The following CCDC141 variants were observed in gnomAD, a reference collection of about 807,000 sequenced individuals.
CCDC141 encodes coiled-coil domain containing 141, also known as coiled-coil domain-containing protein 141.
CCDC141 carries 168 observed loss-of-function variants against 181.0 expected under a neutral mutation model. That is an observed-to-expected ratio of 0.93 (90% confidence interval 0.82 to 1.05). The LOEUF (loss-of-function observed/expected upper bound fraction) is 1.05. Ranked by LOEUF, CCDC141 falls within the 50% of genes least tolerant of loss-of-function variation. The pLI, the probability that CCDC141 is intolerant of heterozygous loss-of-function variation, is 0.00. For missense variants in CCDC141, 1,902 were observed against 1,788.5 expected (o/e 1.06, Z -1.14); for synonymous variants, 666 against 642.3 (o/e 1.04, Z -0.56).
chr2:178,871,400 C>T (rs1213252872), intron 14 of CCDC141, 27 bp downstream of exon 14: 1 of 1,600,856 alleles, frequency 6.2e-7, no homozygotes, highest in Non-Finnish European at 8.5e-7. Context: ...TTTCCATTCA[C>T]CCAAATCCAG....
intron 5 of CCDC141, among the ~76,000 whole-genome samples, chr2:178,957,124 CGG>C (rs1690194824): frequency 6.6e-6 from 1 of 152,182 alleles, no homozygotes; most frequent in Non-Finnish European, 1.5e-5. Flanking sequence ...CCACCTGCCT[CGG>C]CCTCCCAAAG....
At chr2:179,039,869 A>C (rs1188571822) in intron 2 of CCDC141, among the ~76,000 whole-genome samples, 1 of 152,230 alleles carries the variant, frequency 6.6e-6, no homozygotes, top group Non-Finnish European at 1.5e-5. Context: ...CATTTGTGAA[A>C]TGGAATTTAT....
At chr2:179,005,719 C>A (rs866235099) in intron 2 of CCDC141, among the ~76,000 whole-genome samples, 5 of 152,180 alleles carry the variant, frequency 3.3e-5, no homozygotes, top group Admixed American at 6.5e-5. Context: ...ACTGCAACCT[C>A]TACTTCCCCC....
Position 178,869,291 on chromosome 2 carries a change from C to A in CCDC141, c.2220G>T (p.Glu740Asp). ...MKPQFQQLND[E>D]VQYIMKESEE... Reference sequence around the variant, plus strand: ...CTGATTCTTTCATAATGTACTGAACCTCATCATTCAATTGCTAAAACATTG... The same window carrying A: ...CTGATTCTTTCATAATGTACTGAACATCATCATTCAATTGCTAAAACATTG... Residue 740 changes from glutamate (E) to aspartate (D), a missense_variant, in exon 15 of 24, where the codon GAG (glutamate) becomes GAT (aspartate). Physicochemically the swap from Glu to Asp is conservative, Grantham distance 45. Transcript: ENST00000443758. The A allele has an allele frequency of 1.3e-6, 2 of 1,583,974 alleles. No homozygotes were observed. The highest frequency in any genetic ancestry group is 1.9e-5 in the Admixed American group (1 of 51,334).
chr2:178,986,929 G>C (rs1255233327), intron 2 of CCDC141, among the ~76,000 whole-genome samples: 1 of 151,968 alleles, frequency 6.6e-6, no homozygotes, highest in Admixed American at 6.6e-5. Context: ...TCCCCATCAA[G>C]CTACAAATGA....
chr2:178,898,434 G>A (rs1394801307), intron 8 of CCDC141, among the ~76,000 whole-genome samples: 1 of 152,110 alleles, frequency 6.6e-6, no homozygotes, highest in Non-Finnish European at 1.5e-5. Context: ...TTCTTCTACA[G>A]CAACAGAAAA....
At chr2:179,046,151 C>T (rs1291053695) in intron 2 of CCDC141, among the ~76,000 whole-genome samples, 5 of 152,212 alleles carry the variant, frequency 3.3e-5, no homozygotes, top group Non-Finnish European at 1.5e-5. Flanking sequence ...GCATCCTAGT[C>T]TTTGCAGTTC....
chr2:178,923,533 A>C (rs1688797367), intron 6 of CCDC141, among the ~76,000 whole-genome samples: 1 of 152,200 alleles, frequency 6.6e-6, no homozygotes, highest in Non-Finnish European at 1.5e-5. Flanking sequence ...TGTTTTCTCT[A>C]AGCCGTTGCT....
rs1352382911 is a variant in CCDC141 at position 178,961,178 on chromosome 2, T to A, written c.780+52A>T. On this transcript the variant is annotated intron_variant, in intron 5 of 23. Coordinates refer to ENST00000443758, the MANE Select transcript of CCDC141 (RefSeq NM_173648.4). ...TGCCCCAGGGAATGGTTAATCCATA[T>A]AACAACTAATCAGCTGAGGCTGGAA... 2.0e-6 allele frequency: 3 copies of A among 1,533,350 alleles called. No homozygotes were observed. The African/African-American group carries it at 4.1e-5, about 21-fold the overall frequency. 95.0% of individuals were successfully genotyped at this position (1,533,350 alleles called of 1,614,324 possible).
At chr2:178,828,505 T>C (rs763384672), downstream of CCDC141, among the ~76,000 whole-genome samples, 4 of 152,184 alleles carry the variant, frequency 2.6e-5, no homozygotes, top group South Asian at 8.3e-4. Flanking sequence ...GTAAGAGTAA[T>C]AGAAATGAAT....
chr2:178,886,872 C>A lies in CCDC141; in HGVS notation c.1408-1G>T, dbSNP rs991013215. ...TGATTTTCTGAATTGACATTTCCAC[C>A]TTTAGGAGTGAATAATATATGGCAG... is the stretch of plus-strand genomic sequence containing the variant. On this transcript the variant is annotated splice_acceptor_variant, in intron 9 of 23. Transcript: ENST00000443758. LOFTEE classifies it high-confidence loss of function. 1 of 1,401,970 alleles carries A rather than the reference C, an allele frequency of 7.1e-7. No individual in the cohort carries two copies. The highest frequency in any genetic ancestry group is 9.3e-7 in the Non-Finnish European group (1 of 1,077,550). 86.8% of individuals were successfully genotyped at this position (1,401,970 alleles called of 1,614,324 possible). A position where few individuals can be genotyped will look rare whatever the true frequency, so the allele number is the denominator to read the frequency against.
chr2:178,817,836 T>C, the CCDC141 span, among the ~76,000 whole-genome samples: 3 of 134,806 alleles, frequency 2.2e-5, no homozygotes, highest in Non-Finnish European at 4.7e-5. Context: ...GGAGTCTCAT[T>C]CTGTTGCCTA....
intron 2 of CCDC141, among the ~76,000 whole-genome samples, chr2:179,038,998 G>A (rs2043220730): frequency 6.6e-6 from 1 of 152,170 alleles, no homozygotes; most frequent in African/African-American, 2.4e-5. Context: ...CACCTCACCT[G>A]AGGATGTAAT....
chr2:178,948,693 G>A (rs145885435), intron 5 of CCDC141, among the ~76,000 whole-genome samples: 1 of 152,252 alleles, frequency 6.6e-6, no homozygotes, highest in African/African-American at 2.4e-5. Context: ...GGGGCTGTGG[G>A]TGAGTTCTCC....
intron 12 of CCDC141, chr2:178,877,624 C>T (rs946228004): frequency 2.2e-5 from 7 of 317,010 alleles, no homozygotes; most frequent in African/African-American, 1.3e-4. Context: ...TCTTTAGCCC[C>T]TAGAAATTTT....
At chr2:178,835,371 TC>T (rs1684436261) in intron 23 of CCDC141, among the ~76,000 whole-genome samples, 4 of 152,194 alleles carry the variant, frequency 2.6e-5, no homozygotes, top group Admixed American at 2.6e-4. Flanking sequence ...ATAACATATT[TC>T]TAGAAGGTTC....
chr2:179,012,915 T>C (rs765981166), intron 2 of CCDC141, among the ~76,000 whole-genome samples: 3 of 152,066 alleles, frequency 2.0e-5, no homozygotes, highest in Non-Finnish European at 2.9e-5. Context: ...AAATCCAGCA[T>C]CCCTTTATGA....
chr2:178,932,169 A>G (rs140438178), intron 6 of CCDC141, among the ~76,000 whole-genome samples: 2 of 152,306 alleles, frequency 1.3e-5, no homozygotes, highest in African/African-American at 2.4e-5. Context: ...AAAAACAAAA[A>G]CAAAAACAAA....
Position 178,833,921 on chromosome 2 carries a change from T to C in CCDC141, c.*252A>G, listed in dbSNP as rs912668591. 2 of 433,808 alleles carry C rather than the reference T, an allele frequency of 4.6e-6. No individual in the cohort carries two copies. Among genetic ancestry groups the C allele is most frequent in the South Asian group, 8.2e-5 (2 of 24,438 alleles). 26.9% of individuals were successfully genotyped at this position (433,808 alleles called of 1,614,324 possible). Reference sequence around the variant, plus strand: ...AGAATAATTTTGCTGCATATTATGTTGAAAACATCTGTTTCTAGAGTACAA... The same window carrying C: ...AGAATAATTTTGCTGCATATTATGTCGAAAACATCTGTTTCTAGAGTACAA... On this transcript the variant is annotated 3_prime_UTR_variant, in exon 24 of 24. Transcript: ENST00000443758.
Sources: gnomAD v4.1 joint callset for allele counts (sites outside exome capture counted in the v4.1 genomes callset) on GRCh38, gnomAD v4.1.1 for gene constraint, MANE v1.5 for transcripts, NCBI Gene and HGNC (gene_info 2026-07-23, HGNC 2026-07-21) for gene names.